SRGAP2: variants seen among roughly 807,000 people sequenced by gnomAD.
SRGAP2 encodes SLIT-ROBO Rho GTPase-activating protein 2.
In SRGAP2, 15 loss-of-function variants were observed where a neutral mutation model predicts 57.2. The observed-to-expected ratio is 0.26, with a 90% confidence interval of 0.18 to 0.40. The LOEUF is 0.40. SRGAP2 is among the 10% of genes least tolerant of loss of function. SRGAP2 has a pLI of 1.00. For synonymous variants in SRGAP2, 249 were observed against 248.0 expected (o/e 1.00, Z -0.04); for missense variants, 520 against 669.6 (o/e 0.78, Z 2.47).
chr1:206,460,241 C>T (rs1324562796), intron 22 of SRGAP2, among the ~76,000 whole-genome samples: 2 of 152,098 alleles, frequency 1.3e-5, no homozygotes, highest in Non-Finnish European at 2.9e-5. Flanking sequence ...GGGGAGGGAG[C>T]GGGGAGCTGG....
rs2297553 is a variant in SRGAP2, at chr1:206,454,659, C to T, written c.2361-219C>T. The T allele has an allele frequency of 1.7e-5, 9 of 530,594 alleles. No individual in the cohort carries two copies. Among genetic ancestry groups the T allele is most frequent in the Non-Finnish European group, 3.0e-5 (9 of 302,016 alleles). 32.9% of individuals were successfully genotyped at this position (530,594 alleles called of 1,614,324 possible). On this transcript the variant is annotated intron_variant, in intron 20 of 22. Transcript: ENST00000573034. The surrounding 1 kb of genome is among the most constrained non-coding windows in gnomAD (Gnocchi z 4.3). The stretch of plus-strand genomic sequence containing the variant: ...CTTTCCTGAGGAGCTGAGGAGCCCG[C>T]AGAACTCAGCGGATTATTTATTTTT...
chr1:206,239,873 T>C (rs1668104078), intron 2 of SRGAP2, among the ~76,000 whole-genome samples: 1 of 150,672 alleles, frequency 6.6e-6, no homozygotes, highest in Non-Finnish European at 1.5e-5. Flanking sequence ...TTGAGAAGAT[T>C]ATAGATTTTG....
intron 3 of SRGAP2, among the ~76,000 whole-genome samples, chr1:206,324,482 C>T (rs1673719407): frequency 6.6e-6 from 1 of 152,100 alleles, no homozygotes; most frequent in Non-Finnish European, 1.5e-5. Flanking sequence ...AGGCTGGGGC[C>T]TCTGTGTCTG....
At chr1:206,323,548 G>A (rs1673632354) in intron 3 of SRGAP2, among the ~76,000 whole-genome samples, 1 of 151,418 alleles carries the variant, frequency 6.6e-6, no homozygotes, top group African/African-American at 2.4e-5. Context: ...CACCTCTTTT[G>A]CATTTAGCGA....
intron 11 of SRGAP2, among the ~76,000 whole-genome samples, chr1:206,417,030 C>T (rs12750710): frequency 0.048 from 7,281 of 152,108 alleles, 442 homozygotes; most frequent in African/African-American, 0.13. Flanking sequence ...ACCTTTTTTG[C>T]CCTGTCCTTT....
intron 14 of SRGAP2, 64 bp downstream of exon 14, chr1:206,430,286 T>C: frequency 2.6e-6 from 2 of 777,868 alleles, no homozygotes; most frequent in South Asian, 2.7e-5. Flanking sequence ...CAGGAATTCT[T>C]TGTAGAGTAA....
chr1:206,334,995 G>A (rs1241569840), intron 3 of SRGAP2, among the ~76,000 whole-genome samples: 3 of 150,650 alleles, frequency 2.0e-5, no homozygotes, highest in Non-Finnish European at 4.4e-5. Context: ...GGATCCAACT[G>A]TCAACATGAT....
In SRGAP2 at chr1:206,377,149, C is replaced by A. The variant is rs201440899; in HGVS notation, c.424-6865C>A. Reference sequence around the variant, plus strand: ...GTTTTTCAGATAATTAAACAGGAATCAAATTCAAAAACTATTCATATTCCA... The same window carrying A: ...GTTTTTCAGATAATTAAACAGGAATAAAATTCAAAAACTATTCATATTCCA... On this transcript the variant is annotated intron_variant, in intron 4 of 22. Transcript: ENST00000573034. Among the ~76,000 whole-genome samples, 16 of 152,250 alleles carry A rather than the reference C, an allele frequency of 1.1e-4. No individual in the cohort carries two copies. The East Asian group carries it at 2.9e-3, about 28-fold the overall frequency.
At chr1:206,442,847 C>T (rs782036143) in intron 17 of SRGAP2, among the ~76,000 whole-genome samples, 3 of 152,116 alleles carry the variant, frequency 2.0e-5, no homozygotes, top group Non-Finnish European at 4.4e-5. Flanking sequence ...AGGTAGCTCC[C>T]GATGCAGACT....
At chr1:206,430,334 A>G in intron 14 of SRGAP2, 112 bp downstream of exon 14, 1 of 719,880 alleles carries the variant, frequency 1.4e-6, no homozygotes, top group Admixed American at 1.8e-5. Context: ...ATTCTCAGAA[A>G]AGGAATAAAT....
In SRGAP2 at chr1:206,389,165, C is replaced by CTT. The variant is rs71274650; in HGVS notation, c.487-3498_487-3497dup. ...TGGGGCCTCACTGTTCTCAGACTTC[C>CTT]TTTTTTTTTTTTTTTTTTTTTTTTT... On this transcript the variant is annotated intron_variant, in intron 5 of 22. Coordinates refer to ENST00000573034, the MANE Select transcript of SRGAP2 (RefSeq NM_015326.5). 2.7e-3 allele frequency among the ~76,000 whole-genome samples: 199 copies of CTT among 73,116 alleles called. 10 individuals are homozygous for CTT. Among genetic ancestry groups the CTT allele is most frequent in the African/African-American group, 9.6e-3 (153 of 15,864 alleles). The allele number at this position is 73,116 out of a possible 152,430, so 48.0% of individuals were successfully genotyped here.
chr1:206,230,715 C>A (rs1418713103), intron 2 of SRGAP2, among the ~76,000 whole-genome samples: 2 of 141,742 alleles, frequency 1.4e-5, no homozygotes, highest in Non-Finnish European at 1.5e-5. Flanking sequence ...CAACCTCCAC[C>A]TCCCGGGTTC....
intron 2 of SRGAP2, among the ~76,000 whole-genome samples, chr1:206,228,485 CT>C (rs1667416203): frequency 6.6e-6 from 1 of 152,104 alleles, no homozygotes. Context: ...ATGACAGGAA[CT>C]TTATTTCATA....
At chr1:206,218,074 C>T (rs1276952814) in intron 2 of SRGAP2, among the ~76,000 whole-genome samples, 1,850 of 143,570 alleles carry the variant, frequency 0.013, no homozygotes, top group African/African-American at 0.053. Flanking sequence ...TTTGGGAGGC[C>T]GAGGCAGGCG....
intron 4 of SRGAP2, among the ~76,000 whole-genome samples, chr1:206,353,111 C>T (rs1676155778): frequency 6.6e-6 from 1 of 152,078 alleles, no homozygotes; most frequent in Non-Finnish European, 1.5e-5. Flanking sequence ...AATATCCAGA[C>T]AATCCCTGAT....
chr1:206,302,664 T>C (rs1671940226), intron 2 of SRGAP2, among the ~76,000 whole-genome samples: 1 of 152,214 alleles, frequency 6.6e-6, no homozygotes, highest in African/African-American at 2.4e-5. Flanking sequence ...GCTTGTTTTG[T>C]TTTGATTGCT....
chr1:206,290,171 G>T (rs1235183462), intron 2 of SRGAP2, among the ~76,000 whole-genome samples: 2,826 of 152,120 alleles, frequency 0.019, 38 homozygotes, highest in Middle Eastern at 0.031. Context: ...CAGAGTTCAT[G>T]ACTAAGGATA....
chr1:206,369,090 A>C (rs1268460015), intron 4 of SRGAP2, among the ~76,000 whole-genome samples: 1 of 152,186 alleles, frequency 6.6e-6, no homozygotes, highest in African/African-American at 2.4e-5. Context: ...AATTAGGCCT[A>C]TGAGGAAATA....
intron 2 of SRGAP2, among the ~76,000 whole-genome samples, chr1:206,290,624 A>G (rs1379180694): frequency 0.022 from 3,171 of 142,398 alleles, 126 homozygotes; most frequent in African/African-American, 0.082. Context: ...CCTGGGCAAC[A>G]GAGCGAGACT....
Sources: allele counts gnomAD v4.1 joint callset (sites outside exome capture counted in the v4.1 genomes callset), GRCh38; gene constraint gnomAD v4.1.1; non-coding constraint Gnocchi (gnomAD v3.1); transcripts MANE v1.5; gene names NCBI Gene and HGNC (gene_info 2026-07-23, HGNC 2026-07-21).